Variants in RAB31 observed in about 807,000 individuals in gnomAD.
RAB31 encodes the protein ras-related protein Rab-31.
A neutral mutation model predicts 25.6 loss-of-function variants in RAB31; 21 were observed. The observed-to-expected ratio is 0.82, with a 90% confidence interval of 0.58 to 1.18. RAB31 has a LOEUF of 1.18. RAB31 is among the 50% of genes most tolerant of loss of function. RAB31 has a pLI of 0.00. For missense variants in RAB31, 196 were observed against 250.1 expected, an observed-to-expected ratio of 0.78 and a Z score of 1.46; for synonymous variants, 87 against 84.0, an observed-to-expected ratio of 1.04 and a Z score of -0.20.
intron 3 of RAB31, among the ~76,000 whole-genome samples, chr18:9,800,556 A>C (rs1031808016): frequency 6.6e-6 from 1 of 152,114 alleles, no homozygotes; most frequent in Non-Finnish European, 1.5e-5. Flanking sequence ...CTTGGCAGGG[A>C]GTTCTTTCCC....
chr18:9,767,055 A>C (rs1035573387), intron 1 of RAB31, among the ~76,000 whole-genome samples: 1 of 152,266 alleles, frequency 6.6e-6, no homozygotes, highest in Non-Finnish European at 1.5e-5. Flanking sequence ...AATACAAAAA[A>C]TAAATGCAAA....
In RAB31 at chr18:9,833,953, C is replaced by T. The variant is rs543354268; in HGVS notation, c.381-11629C>T. Among the ~76,000 whole-genome samples the T allele has an allele frequency of 5.3e-4, 81 of 152,158 alleles. 1 individual carries two copies. The highest frequency in any genetic ancestry group is 3.5e-3 in the South Asian group (17 of 4,806). ...ACTTATAAGTAGGGTAAAGTCAATCCCTTCATGCTTTTTATGAGACAGATG... is the reference window on the plus strand; with the variant it reads ...ACTTATAAGTAGGGTAAAGTCAATCTCTTCATGCTTTTTATGAGACAGATG... On this transcript the variant is annotated intron_variant, in intron 5 of 6. Coordinates refer to ENST00000578921, the MANE Select transcript of RAB31 (RefSeq NM_006868.4).
chr18:9,835,603 C>G (rs1337605836), intron 5 of RAB31, among the ~76,000 whole-genome samples: 1 of 152,146 alleles, frequency 6.6e-6, no homozygotes, highest in Non-Finnish European at 1.5e-5. Flanking sequence ...GTAGGTGAGG[C>G]CCCTTGGGAG....
chr18:9,838,118 C>A (rs547047874), intron 5 of RAB31, among the ~76,000 whole-genome samples: 8 of 152,302 alleles, frequency 5.3e-5, no homozygotes, highest in African/African-American at 1.7e-4. Flanking sequence ...TAATATCAAC[C>A]TCCTTTTCCC....
At chr18:9,738,561 G>A (rs941461807) in intron 1 of RAB31, among the ~76,000 whole-genome samples, 5 of 152,204 alleles carry the variant, frequency 3.3e-5, no homozygotes, top group Non-Finnish European at 7.3e-5. Flanking sequence ...CCTGGAGGGC[G>A]GCGCAGGGGC....
chr18:9,734,991 C>A, intron 1 of RAB31: 1 of 220,790 alleles, frequency 4.5e-6, no homozygotes, highest in Non-Finnish European at 9.7e-6. Flanking sequence ...TTGGTGGTGG[C>A]GGTGGTTTTT....
chr18:9,806,001 C>G (rs915579318), intron 3 of RAB31, among the ~76,000 whole-genome samples: 1 of 152,014 alleles, frequency 6.6e-6, no homozygotes, highest in Non-Finnish European at 1.5e-5. Flanking sequence ...GGCGAAACCC[C>G]GTCTCTACTA....
intron 1 of RAB31, among the ~76,000 whole-genome samples, chr18:9,768,457 A>G (rs145652375): frequency 9.4e-4 from 143 of 152,296 alleles, no homozygotes; most frequent in African/African-American, 3.2e-3. Flanking sequence ...ACCAGTGACA[A>G]TGAACTTTTT....
At chr18:9,777,473 G>A (rs888517860) in intron 2 of RAB31, among the ~76,000 whole-genome samples, 5 of 152,234 alleles carry the variant, frequency 3.3e-5, no homozygotes, top group African/African-American at 1.2e-4. Context: ...CACGTTGTGA[G>A]AGACCATAAA....
chr18:9,748,705 AT>A (rs1239063718), intron 1 of RAB31, among the ~76,000 whole-genome samples: 1 of 152,058 alleles, frequency 6.6e-6, no homozygotes, highest in African/African-American at 2.4e-5. Context: ...AGCCTGGCCA[AT>A]ATGGTAAAAC....
chr18:9,785,444 G>A (rs868060784), intron 2 of RAB31, among the ~76,000 whole-genome samples: 1 of 151,974 alleles, frequency 6.6e-6, no homozygotes, highest in East Asian at 1.9e-4. Context: ...CATCTGGTAG[G>A]GTGTCATGAT....
chr18:9,748,450 A>G (rs551168360), intron 1 of RAB31, among the ~76,000 whole-genome samples: 19 of 152,090 alleles, frequency 1.2e-4, no homozygotes, highest in Non-Finnish European at 2.6e-4. Flanking sequence ...AGGCTACAGT[A>G]AGCCATGATT....
At chr18:9,813,925 T>C in intron 3 of RAB31, 95 bp from the exon 4 acceptor site, 1 of 753,684 alleles carries the variant, frequency 1.3e-6, no homozygotes, top group Middle Eastern at 2.5e-4. Context: ...TTAGGGATCC[T>C]GTAAGGATGA....
chr18:9,821,728 G>A (rs956514104), intron 5 of RAB31, among the ~76,000 whole-genome samples: 5 of 152,144 alleles, frequency 3.3e-5, no homozygotes, highest in Admixed American at 3.3e-4. Flanking sequence ...CAAAGAAAAT[G>A]AAATACTTAG....
intron 1 of RAB31, among the ~76,000 whole-genome samples, chr18:9,722,450 C>T (rs781088886): frequency 2.6e-5 from 4 of 152,136 alleles, no homozygotes; most frequent in East Asian, 1.9e-4. Context: ...GTGCATGATG[C>T]GTACCTCGGA....
chr18:9,781,691 T>C (rs1302373121), intron 2 of RAB31, among the ~76,000 whole-genome samples: 1 of 152,254 alleles, frequency 6.6e-6, no homozygotes, highest in Non-Finnish European at 1.5e-5. Flanking sequence ...TATTGTCTTC[T>C]TGATATAATT....
intron 5 of RAB31, among the ~76,000 whole-genome samples, chr18:9,824,903 A>C (rs2068642571): frequency 6.6e-6 from 1 of 152,218 alleles, no homozygotes. Flanking sequence ...AGCAAAGTGG[A>C]ATGTGAGAAG....
At chr18:9,852,137 G>A (rs970371798) in intron 6 of RAB31, among the ~76,000 whole-genome samples, 7 of 152,080 alleles carry the variant, frequency 4.6e-5, no homozygotes, top group Non-Finnish European at 1.0e-4. Flanking sequence ...GAATAATATA[G>A]TGAACCATTG....
chr18:9,793,980 G>C (rs932323780), intron 3 of RAB31, among the ~76,000 whole-genome samples: 37 of 152,118 alleles, frequency 2.4e-4, no homozygotes, highest in African/African-American at 8.9e-4. Context: ...ACCCAGGCTG[G>C]AGTGCAGTGG....
Sources: allele counts gnomAD v4.1 joint callset (sites outside exome capture counted in the v4.1 genomes callset), GRCh38; gene constraint gnomAD v4.1.1; transcripts MANE v1.5; gene names NCBI Gene and HGNC (gene_info 2026-07-23, HGNC 2026-07-21).